The following TNRC18 variants were observed in gnomAD, a reference collection of about 807,000 sequenced individuals.
TNRC18 encodes trinucleotide repeat containing 18.
A neutral mutation model predicts 226.7 loss-of-function variants in TNRC18; 69 were observed. The ratio of observed to expected loss-of-function variants is 0.30; its 90% CI spans 0.25 to 0.37. The LOEUF (loss-of-function observed/expected upper bound fraction) is 0.37. Ranked by LOEUF, TNRC18 falls within the 10% of genes least tolerant of loss-of-function variation. The pLI is 1.00. For synonymous variants in TNRC18, 2,449 were observed against 1,927.6 expected (o/e 1.27, Z -7.09); for missense variants, 4,754 against 4,256.6 (o/e 1.12, Z -3.25).
Position 5,376,980 on chromosome 7 carries a change from T to G in TNRC18, c.2475A>C (p.Pro825=), listed in dbSNP as rs754690082. 46 of 1,582,472 alleles carry G rather than the reference T, an allele frequency of 2.9e-5. No individual in the cohort carries two copies. Among genetic ancestry groups the G allele is most frequent in the Non-Finnish European group, 2.9e-5 (34 of 1,164,780 alleles). Residue 825 remains proline, a synonymous_variant, in exon 8 of 30, where the codon CCA becomes CCC. Coordinates refer to ENST00000430969, the MANE Select transcript of TNRC18 (RefSeq NM_001080495.3). The part of the protein sequence containing the change: ...LAGHPYGLGP[P]SLHQGMAPAF... ...CAGGGGCCATGCCCTGGTGCAGAGA[T>G]GGGGGACCCAAGCCTAGGAGGAGAA... is the stretch of plus-strand genomic sequence containing the variant.
chr7:5,308,551 C>G (rs1410100411), intron 29 of TNRC18, among the ~76,000 whole-genome samples: 1 of 152,088 alleles, frequency 6.6e-6, no homozygotes, highest in East Asian at 1.9e-4. Context: ...CGCAGAGAGA[C>G]AGAGACCGAG....
rs754143983 is a variant in TNRC18 at position 5,389,461 on chromosome 7, G to GTTTTTTTT, written c.488-133_488-126dup. 833 of 565,502 alleles carry GTTTTTTTT rather than the reference G, an allele frequency of 1.5e-3. 22 individuals carry two copies. In the African/African-American group the frequency reaches 0.019, roughly 13 times the overall value. 35.0% of individuals were successfully genotyped at this position (565,502 alleles called of 1,614,324 possible). On this transcript the variant is annotated intron_variant, in intron 4 of 29. Transcript: ENST00000430969. ...TGCCTCCCCCAGTGTTTTGGTTTTG[G>GTTTTTTTT]TTTTTTTTTTCAGAAAGAGTCTCGC...
intron 2 of TNRC18, chr7:5,420,214 C>T: frequency 2.8e-6 from 1 of 351,732 alleles, no homozygotes; most frequent in South Asian, 2.1e-5. Flanking sequence ...CAGCCCGTCT[C>T]GGGAAATGGT....
intron 18 of TNRC18, among the ~76,000 whole-genome samples, chr7:5,341,359 C>T (rs1790664338): frequency 6.9e-6 from 1 of 145,218 alleles, no homozygotes; most frequent in Non-Finnish European, 1.5e-5. Flanking sequence ...GCAGAGCTTG[C>T]AGTGAGCAGA....
At chr7:5,398,238 T>A (rs1389650013) in intron 2 of TNRC18, among the ~76,000 whole-genome samples, 1 of 151,964 alleles carries the variant, frequency 6.6e-6, no homozygotes, top group Non-Finnish European at 1.5e-5. Context: ...TGGCGCGATC[T>A]CGGCTCACCG....
At chr7:5,404,350 G>A (rs1053322768) in intron 2 of TNRC18, among the ~76,000 whole-genome samples, 8 of 151,812 alleles carry the variant, frequency 5.3e-5, no homozygotes, top group Non-Finnish European at 1.0e-4. Flanking sequence ...CAGCCTGGGC[G>A]ACAGAGCAAG....
At chr7:5,355,105 G>A (rs1484396776) in intron 16 of TNRC18, among the ~76,000 whole-genome samples, 1 of 152,198 alleles carries the variant, frequency 6.6e-6, no homozygotes, top group Non-Finnish European at 1.5e-5. Flanking sequence ...CCAGAACCCA[G>A]GAAGCTCCCT....
In TNRC18 at chr7:5,313,809, G is replaced by C. The variant is rs1184978954; in HGVS notation, c.7082C>G (p.Pro2361Arg). 3.3e-6 allele frequency: 5 copies of C among 1,514,960 alleles called. No homozygotes were observed. Among genetic ancestry groups the C allele is most frequent in the Non-Finnish European group, 4.4e-6 (5 of 1,132,164 alleles). 93.8% of individuals were successfully genotyped at this position (1,514,960 alleles called of 1,614,324 possible). ...GNPTDEVPST[P>R]LALEPSSTPG... is the part of the protein sequence containing the mutation. ...GGTGCTGCTCGGCTCCAGGGCTAAG[G>C]GGGTACTGGGGACCTCGTCTGTTGG... The change falls in exon 27 of 30, where the codon CCC becomes CGC. Residue 2361 changes from proline to arginine, a missense_variant. Pro to Arg is a moderately radical substitution (Grantham distance 103, BLOSUM62 -2). Transcript: ENST00000430969.
intron 5 of TNRC18, among the ~76,000 whole-genome samples, chr7:5,384,877 A>C (rs1257115847): frequency 6.6e-6 from 1 of 152,238 alleles, no homozygotes; most frequent in Non-Finnish European, 1.5e-5. Flanking sequence ...CAGTGTGTTC[A>C]TTCAGTCAGT....
intron 11 of TNRC18, among the ~76,000 whole-genome samples, chr7:5,367,482 C>T (rs1477984130): frequency 6.6e-6 from 1 of 151,140 alleles, no homozygotes; most frequent in African/African-American, 2.4e-5. Flanking sequence ...GGCTGGAGGG[C>T]AGTGGTACCA....
chr7:5,388,320 G>T lies in TNRC18; in HGVS notation c.1504C>A (p.Pro502Thr). The stretch of plus-strand genomic sequence containing the variant: ...CATTTATGCTCAGGGCCGGTGGGCG[G>T]GGGGCGCCCGGGCTCCAGGCCGAAG... ...KLFGLEPGRP[P>T]PTGPEHKWKP... The change falls in exon 5 of 30, where the codon CCG (proline) becomes ACG (threonine). Residue 502 changes from proline to threonine, a missense_variant. Pro to Thr is a conservative substitution (Grantham distance 38). Transcript: ENST00000430969. 6.2e-7 allele frequency: 1 copy of T among 1,601,538 alleles called. No homozygotes were observed. Among genetic ancestry groups the T allele is most frequent in the Non-Finnish European group, 8.5e-7 (1 of 1,175,438 alleles).
chr7:5,389,622 T>C (rs966631609), intron 4 of TNRC18: 3 of 223,836 alleles, frequency 1.3e-5, no homozygotes, highest in Non-Finnish European at 2.6e-5. Flanking sequence ...GCACGGCTAA[T>C]TATTGTATTT....
intron 18 of TNRC18, among the ~76,000 whole-genome samples, chr7:5,342,557 G>C (rs1372884808): frequency 2.0e-5 from 3 of 152,220 alleles, no homozygotes; most frequent in African/African-American, 7.2e-5. Context: ...AGTTAGAGTG[G>C]AGCCTGGAGA....
intron 18 of TNRC18, among the ~76,000 whole-genome samples, chr7:5,342,384 G>A (rs1010873350): frequency 6.6e-5 from 10 of 150,610 alleles, no homozygotes; most frequent in East Asian, 1.9e-4. Flanking sequence ...AGCCGAGATC[G>A]CACCGCTGCA....
intron 2 of TNRC18, among the ~76,000 whole-genome samples, chr7:5,417,907 G>C (rs1782290655): frequency 6.6e-6 from 1 of 152,178 alleles, no homozygotes; most frequent in Admixed American, 6.5e-5. Flanking sequence ...AGATGGATCT[G>C]ATCAGACCCT....
chr7:5,328,389 C>G (rs145190970), intron 19 of TNRC18, among the ~76,000 whole-genome samples: 100 of 152,110 alleles, frequency 6.6e-4, no homozygotes, highest in African/African-American at 2.3e-3. Context: ...TTTAATTAGT[C>G]AGACGTGGTG....
chr7:5,358,931 G>C (rs1339223659), intron 15 of TNRC18, among the ~76,000 whole-genome samples: 2 of 152,214 alleles, frequency 1.3e-5, no homozygotes, highest in African/African-American at 4.8e-5. Context: ...ATGTTCTGAA[G>C]AAATAAGAAG....
chr7:5,395,702 T>TAAAAA (rs1198948808), intron 2 of TNRC18, among the ~76,000 whole-genome samples: 1 of 152,010 alleles, frequency 6.6e-6, no homozygotes, highest in Non-Finnish European at 1.5e-5. Context: ...ACAATGACAA[T>TAAAAA]ATAATGAGGC....
At chr7:5,370,131 C>T (rs1022292546) in intron 11 of TNRC18, among the ~76,000 whole-genome samples, 6 of 151,936 alleles carry the variant, frequency 3.9e-5, no homozygotes, top group African/African-American at 1.2e-4. Flanking sequence ...GACTGGGCAA[C>T]AGAGCAAGAC....
Sources: gnomAD v4.1 joint callset for allele counts (sites outside exome capture counted in the v4.1 genomes callset) on GRCh38, gnomAD v4.1.1 for gene constraint, MANE v1.5 for transcripts, NCBI Gene and HGNC (gene_info 2026-07-23, HGNC 2026-07-21) for gene names.